ABL2: variants seen among roughly 807,000 people sequenced by gnomAD.
ABL2 encodes ABL proto-oncogene 2, non-receptor tyrosine kinase.
Under a neutral mutation model 107.7 loss-of-function variants are expected in ABL2, and 49 were observed. The ratio of observed to expected loss-of-function variants is 0.45; its 90% CI spans 0.36 to 0.58. The LOEUF (loss-of-function observed/expected upper bound fraction) is 0.58. Ranked by LOEUF, ABL2 falls within the 20% of genes least tolerant of loss-of-function variation. The pLI is 0.00. For synonymous variants in ABL2, 549 were observed against 548.6 expected (o/e 1.00, Z -0.01); for missense variants, 1,245 against 1,457.0 (o/e 0.85, Z 2.37).
At position 179,110,366 on chromosome 1, in the gene ABL2, T is replaced by A; in HGVS notation, c.1741A>T (p.Thr581Ser). 1 of 1,614,190 alleles carries A rather than the reference T, an allele frequency of 6.2e-7. No homozygotes were observed. Among genetic ancestry groups the A allele is most frequent in the Non-Finnish European group, 8.5e-7 (1 of 1,180,036 alleles). ...TTGTTCTCCACCTGTTTCTTCAGTG[T>A]CCGAGTCTTGGAAGGAAGTATAGGT... ...RLPILPSKTR[T>S]LKKQVENKEN... The change falls in exon 11 of 12, where the codon ACA becomes TCA. Residue 581 changes from threonine (T) to serine (S), a missense_variant. By Grantham distance (58) the Thr-to-Ser change is moderately conservative. Transcript: ENST00000502732.
intron 11 of ABL2, 65 bp downstream of exon 11, chr1:179,110,217 C>CA (rs1397526326): frequency 2.5e-6 from 4 of 1,585,466 alleles, no homozygotes; most frequent in Non-Finnish European, 3.5e-6. Flanking sequence ...ATAAAAGCCT[C>CA]ACACCCCATG....
At chr1:179,143,124 C>T in intron 1 of ABL2, 1 of 1,543,886 alleles carries the variant, frequency 6.5e-7, no homozygotes, top group Non-Finnish European at 8.8e-7. Context: ...ACAAGCAATA[C>T]CACATGCATG....
At chr1:179,111,373 T>A (rs1440527124) in intron 10 of ABL2, among the ~76,000 whole-genome samples, 1 of 142,780 alleles carries the variant, frequency 7.0e-6, no homozygotes, top group African/African-American at 2.7e-5. Flanking sequence ...GCAACTTCCG[T>A]CTCCCGGGTT....
chr1:179,169,979 A>T (rs1044135173), intron 1 of ABL2, among the ~76,000 whole-genome samples: 6 of 152,112 alleles, frequency 3.9e-5, no homozygotes, highest in Non-Finnish European at 8.8e-5. Flanking sequence ...GTGAGCTATC[A>T]TCACCACACT....
intron 1 of ABL2, among the ~76,000 whole-genome samples, chr1:179,218,975 C>T (rs1474665165): frequency 1.3e-5 from 2 of 152,220 alleles, no homozygotes; most frequent in African/African-American, 2.4e-5. Context: ...ATTTTGAAAT[C>T]TCTGTATGTG....
intron 1 of ABL2, among the ~76,000 whole-genome samples, chr1:179,168,671 T>C (rs182721682): frequency 6.6e-6 from 1 of 152,310 alleles, no homozygotes; most frequent in African/African-American, 2.4e-5. Context: ...CACAGATTTA[T>C]GGACTCACCA....
intron 1 of ABL2, among the ~76,000 whole-genome samples, chr1:179,180,138 A>AG (rs201626751): frequency 1.3e-5 from 2 of 149,638 alleles, no homozygotes; most frequent in South Asian, 2.1e-4. Flanking sequence ...AAAAAAAAAA[A>AG]GGGGGGAAAT....
chr1:179,156,191 A>G (rs1334221087), intron 1 of ABL2, among the ~76,000 whole-genome samples: 1 of 152,222 alleles, frequency 6.6e-6, no homozygotes. Flanking sequence ...AGGTATGTCT[A>G]TATGTATATA....
chr1:179,190,770 A>G (rs149375719), intron 1 of ABL2, among the ~76,000 whole-genome samples: 111 of 152,296 alleles, frequency 7.3e-4, no homozygotes, highest in African/African-American at 2.6e-3. Context: ...CACCAGTGAG[A>G]GTCCTAGAAT....
chr1:179,113,636 C>T (rs1654315121), intron 9 of ABL2, among the ~76,000 whole-genome samples: 1 of 151,834 alleles, frequency 6.6e-6, no homozygotes, highest in East Asian at 1.9e-4. Flanking sequence ...CTTGTCTCTA[C>T]TAAAAGTACA....
intron 1 of ABL2, among the ~76,000 whole-genome samples, chr1:179,208,047 C>A (rs1350658505): frequency 1.3e-5 from 2 of 151,838 alleles, no homozygotes; most frequent in Non-Finnish European, 2.9e-5. Flanking sequence ...GACTCAAGTC[C>A]ACAAAATATC....
intron 10 of ABL2, among the ~76,000 whole-genome samples, chr1:179,111,477 G>C (rs550456773): frequency 1.3e-5 from 2 of 151,556 alleles, no homozygotes; most frequent in South Asian, 4.2e-4. Flanking sequence ...GTAGAGACGG[G>C]GTTTCACCAT....
At chr1:179,220,333 T>C (rs1662804151) in intron 1 of ABL2, among the ~76,000 whole-genome samples, 1 of 152,208 alleles carries the variant, frequency 6.6e-6, no homozygotes, top group African/African-American at 2.4e-5. Flanking sequence ...ATTCCCTATT[T>C]TGAAAGAGAC....
intron 3 of ABL2, among the ~76,000 whole-genome samples, chr1:179,129,574 C>G (rs748832485): frequency 6.6e-6 from 1 of 151,558 alleles, no homozygotes; most frequent in Non-Finnish European, 1.5e-5. Flanking sequence ...CCCAGCTACT[C>G]AGGAGGCTGA....
At chr1:179,131,539 T>C (rs1656332174) in intron 2 of ABL2, 58 bp from the exon 3 acceptor site, 1 of 1,540,502 alleles carries the variant, frequency 6.5e-7, no homozygotes, top group Non-Finnish European at 9.0e-7. Context: ...AAACATTTGT[T>C]TGAATTCATT....
At chr1:179,189,425 C>T (rs975328168) in intron 1 of ABL2, among the ~76,000 whole-genome samples, 5 of 152,048 alleles carry the variant, frequency 3.3e-5, no homozygotes, top group South Asian at 2.1e-4. Flanking sequence ...TGAGCCACCG[C>T]GCCCTGCCCT....
chr1:179,179,850 C>T (rs1660266453), intron 1 of ABL2, among the ~76,000 whole-genome samples: 1 of 151,738 alleles, frequency 6.6e-6, no homozygotes, highest in African/African-American at 2.4e-5. Context: ...CTTGTAATCC[C>T]AGGACTTTGG....
rs763102375 is a variant in ABL2, at chr1:179,117,326, C to A, written c.1408+6G>T. 3.7e-6 allele frequency: 6 copies of A among 1,613,812 alleles called. No homozygotes were observed. The highest frequency in any genetic ancestry group is 5.1e-6 in the Non-Finnish European group (6 of 1,179,866). On this transcript the variant is annotated splice_donor_region_variant and intron_variant, in intron 8 of 11. Coordinates refer to ENST00000502732, the MANE Select transcript of ABL2 (RefSeq NM_007314.4). ...TGACACAGAAAAAAGTCCCTTTCAA[C>A]CTTACCCCAGACGTCAGATTTAATT... is the stretch of plus-strand genomic sequence containing the variant.
chr1:179,133,915 T>C (rs1656596879), intron 1 of ABL2, among the ~76,000 whole-genome samples: 1 of 152,214 alleles, frequency 6.6e-6, no homozygotes, highest in African/African-American at 2.4e-5. Flanking sequence ...AATATCTTAA[T>C]ACTTTCTGAC....
Sources: allele counts gnomAD v4.1 joint callset (sites outside exome capture counted in the v4.1 genomes callset), GRCh38; gene constraint gnomAD v4.1.1; transcripts MANE v1.5; gene names NCBI Gene and HGNC (gene_info 2026-07-23, HGNC 2026-07-21).